The following GPHN variants were observed in gnomAD, a reference collection of about 807,000 sequenced individuals.
The protein encoded by GPHN is gephyrin.
GPHN carries 17 observed loss-of-function variants against 95.5 expected under a neutral mutation model. The observed-to-expected ratio is 0.18, with a 90% CI of 0.12 to 0.27. The LOEUF is 0.27. GPHN is among the 10% of genes least tolerant of loss of function. The pLI, the probability that GPHN is intolerant of heterozygous loss-of-function variation, is 1.00. For missense variants in GPHN, 660 were observed against 978.1 expected, an observed-to-expected ratio of 0.67 and a Z score of 4.34; for synonymous variants, 320 against 322.5, an observed-to-expected ratio of 0.99 and a Z score of 0.08.
At chr14:67,291,451 A>G in the GPHN span, among the ~76,000 whole-genome samples, 1 of 151,828 alleles carries the variant, frequency 6.6e-6, no homozygotes, top group South Asian at 2.1e-4. Flanking sequence ...TTCCCGGCTA[A>G]TTTTTGTATT....
chr14:67,479,725 G>GA, the GPHN span, among the ~76,000 whole-genome samples: 10 of 149,498 alleles, frequency 6.7e-5, no homozygotes, highest in South Asian at 2.1e-4. Context: ...CTCAAAAAAG[G>GA]AAAAAAAAAT....
the GPHN span, chr14:67,645,733 C>G: frequency 6.2e-7 from 1 of 1,614,060 alleles, no homozygotes; most frequent in South Asian, 1.1e-5. Flanking sequence ...TCAACACACC[C>G]CTTACCACTT....
intron 3 of GPHN, among the ~76,000 whole-genome samples, chr14:66,806,621 A>T (rs963161118): frequency 4.6e-5 from 7 of 152,138 alleles, no homozygotes; most frequent in Non-Finnish European, 1.0e-4. Context: ...ATCCTAAATC[A>T]TCTCTCTCAA....
the GPHN span, among the ~76,000 whole-genome samples, chr14:67,682,661 A>G: frequency 6.6e-6 from 1 of 152,248 alleles, no homozygotes; most frequent in South Asian, 2.1e-4. Context: ...GGGAATGTAA[A>G]ATGGGGCAGT....
At chr14:66,661,075 G>A (rs749591345) in intron 1 of GPHN, among the ~76,000 whole-genome samples, 1 of 152,186 alleles carries the variant, frequency 6.6e-6, no homozygotes, top group Non-Finnish European at 1.5e-5. Context: ...CCTAACAAAG[G>A]TGATTGCAAC....
At chr14:66,969,002 A>C (rs1190422712) in intron 9 of GPHN, 2 of 150,158 alleles carry the variant, frequency 1.3e-5, no homozygotes, top group African/African-American at 2.4e-5. Flanking sequence ...CTATAAAACT[A>C]TACCAGGTCT....
Position 67,126,038 on chromosome 14 carries a change from G to A in GPHN, c.1748+3661G>A, listed in dbSNP as rs1052767445. 4.6e-5 allele frequency among the ~76,000 whole-genome samples: 7 copies of A among 152,150 alleles called. No homozygotes were observed. The East Asian group carries it at 1.4e-3, about 29-fold the overall frequency. On this transcript the variant is annotated intron_variant, in intron 17 of 22. Coordinates refer to ENST00000478722, the MANE Select transcript of GPHN (RefSeq NM_020806.5). ...CTTACTATACCTTTTATTTTAAAAG[G>A]TTAATTTAATAGTACTATGAAGATT...
intron 1 of GPHN, among the ~76,000 whole-genome samples, chr14:66,596,477 C>T (rs2061977389): frequency 1.3e-5 from 2 of 152,182 alleles, no homozygotes; most frequent in African/African-American, 2.4e-5. Flanking sequence ...CATCAAGCCA[C>T]TCTTAGCCCC....
intron 3 of GPHN, among the ~76,000 whole-genome samples, chr14:66,807,460 GTTC>G (rs1476464896): frequency 2.6e-5 from 4 of 152,202 alleles, no homozygotes; most frequent in Non-Finnish European, 5.9e-5. Flanking sequence ...TACAGTCTGG[GTTC>G]TTCTATAATA....
At chr14:66,589,352 CATA>C (rs1444707067) in intron 1 of GPHN, among the ~76,000 whole-genome samples, 2 of 152,136 alleles carry the variant, frequency 1.3e-5, no homozygotes, top group Non-Finnish European at 2.9e-5. Flanking sequence ...CAGCTAGCAT[CATA>C]ATGACAGGAT....
the GPHN span, among the ~76,000 whole-genome samples, chr14:67,256,107 G>A: frequency 3.3e-5 from 5 of 152,052 alleles, no homozygotes; most frequent in Non-Finnish European, 7.4e-5. Context: ...TTTTTTGTGT[G>A]AATATTTTGT....
chr14:67,473,514 C>T, the GPHN span: 2 of 1,614,092 alleles, frequency 1.2e-6, no homozygotes, highest in Non-Finnish European at 1.7e-6. This position sits in a 1 kb window ranked among gnomAD's most constrained non-coding sequence, Gnocchi z 6.5. Context: ...GAGGGTGTTG[C>T]GGATGATGAA....
At chr14:67,074,527 T>C (rs2153659267) in intron 11 of GPHN, among the ~76,000 whole-genome samples, 1 of 152,242 alleles carries the variant, frequency 6.6e-6, no homozygotes, top group South Asian at 2.1e-4. Flanking sequence ...CACAGCAAGA[T>C]TGAAAGTAGG....
At chr14:67,678,214 G>T in the GPHN span, 1 of 737,428 alleles carries the variant, frequency 1.4e-6, no homozygotes, top group Non-Finnish European at 2.4e-6. Context: ...GGAAGGTTTT[G>T]CTCTCTTTGT....
intron 2 of GPHN, among the ~76,000 whole-genome samples, chr14:66,755,109 C>G (rs2058510624): frequency 6.6e-6 from 1 of 151,886 alleles, no homozygotes; most frequent in Admixed American, 6.6e-5. Flanking sequence ...CAAAACAATG[C>G]TATTGGCTGG....
At chr14:67,393,732 G>A in the GPHN span, among the ~76,000 whole-genome samples, 1 of 152,112 alleles carries the variant, frequency 6.6e-6, no homozygotes, top group South Asian at 2.1e-4. Context: ...GGGATTACAG[G>A]TGTGAGCCAC....
intron 1 of GPHN, among the ~76,000 whole-genome samples, chr14:66,645,691 C>CAAA (rs35278627): frequency 4.6e-5 from 5 of 109,084 alleles, no homozygotes; most frequent in South Asian, 5.9e-4. Flanking sequence ...GACTCCATTT[C>CAAA]AAAAAAAAAA....
chr14:66,566,304 A>G (rs1419394287), intron 1 of GPHN, among the ~76,000 whole-genome samples: 1 of 152,172 alleles, frequency 6.6e-6, no homozygotes, highest in Non-Finnish European at 1.5e-5. Context: ...CAGGTGTTTA[A>G]CAGCCCTAAT....
chr14:66,878,602 C>T (rs1002486920), intron 4 of GPHN, among the ~76,000 whole-genome samples: 9 of 152,108 alleles, frequency 5.9e-5, no homozygotes, highest in African/African-American at 1.7e-4. Flanking sequence ...AGCCAACAAA[C>T]ATATGTAAAA....
Sources: allele counts gnomAD v4.1 joint callset (sites outside exome capture counted in the v4.1 genomes callset), GRCh38; gene constraint gnomAD v4.1.1; non-coding constraint Gnocchi (gnomAD v3.1); transcripts MANE v1.5; gene names NCBI Gene and HGNC (gene_info 2026-07-23, HGNC 2026-07-21).